Variants in ACYP2 observed in about 807,000 individuals in gnomAD.
The protein encoded by ACYP2 is acylphosphatase 2, also known as acylphosphatase-2.
In ACYP2, 12 loss-of-function variants were observed where a neutral mutation model predicts 11.2. The observed-to-expected ratio is 1.08, with a 90% confidence interval of 0.69 to 1.74. The LOEUF is 1.74. Ranked by LOEUF, ACYP2 falls within the 40% of genes most tolerant of loss-of-function variation. The probability of loss-of-function intolerance (pLI) is 0.00; values close to 1 mark genes in which losing one functional copy is unlikely to be tolerated. For synonymous variants in ACYP2, 43 were observed against 32.2 expected, an observed-to-expected ratio of 1.33 and a Z score of -1.13; for missense variants, 134 against 101.9, an observed-to-expected ratio of 1.31 and a Z score of -1.35.
At chr2:54,154,985 A>G (rs1473180714) in intron 6 of ACYP2, among the ~76,000 whole-genome samples, 1 of 152,118 alleles carries the variant, frequency 6.6e-6, no homozygotes, top group Non-Finnish European at 1.5e-5. Context: ...CAGATTTTCT[A>G]TATCTTCTTG....
At chr2:54,237,902 G>A (rs1029257091) in intron 6 of ACYP2, among the ~76,000 whole-genome samples, 1 of 151,934 alleles carries the variant, frequency 6.6e-6, no homozygotes, top group Non-Finnish European at 1.5e-5. Flanking sequence ...GCATGAATGG[G>A]CCCCGGCAAC....
At chr2:53,977,012 G>T (rs1477713005) in intron 2 of ACYP2, among the ~76,000 whole-genome samples, 1 of 151,908 alleles carries the variant, frequency 6.6e-6, no homozygotes, top group African/African-American at 2.4e-5. Flanking sequence ...ATTCCTATTA[G>T]ACATTTGTTT....
chr2:54,096,446 G>A (rs990677568), intron 4 of ACYP2, among the ~76,000 whole-genome samples: 1 of 152,234 alleles, frequency 6.6e-6, no homozygotes, highest in Admixed American at 6.5e-5. Context: ...CCTGGCAGAG[G>A]CTGTACTCTC....
intron 2 of ACYP2, among the ~76,000 whole-genome samples, chr2:54,039,308 G>T (rs190988124): frequency 4.8e-4 from 71 of 149,434 alleles, no homozygotes; most frequent in African/African-American, 1.5e-3. Flanking sequence ...TTTTTGGCGG[G>T]GGGGGACAGG....
intron 6 of ACYP2, among the ~76,000 whole-genome samples, chr2:54,238,068 C>T (rs948671866): frequency 6.6e-6 from 1 of 152,158 alleles, no homozygotes; most frequent in Non-Finnish European, 1.5e-5. Context: ...AAGACTCATT[C>T]CCTTACATGA....
intron 6 of ACYP2, among the ~76,000 whole-genome samples, chr2:54,235,824 G>A (rs1208581407): frequency 6.6e-6 from 1 of 152,166 alleles, no homozygotes. Flanking sequence ...ATGAGAGTGA[G>A]ACCCTGTCTC....
chr2:53,981,029 G>A (rs1215973155), intron 2 of ACYP2, among the ~76,000 whole-genome samples: 1 of 152,088 alleles, frequency 6.6e-6, no homozygotes, highest in Non-Finnish European at 1.5e-5. Context: ...TTGGATTACA[G>A]GTGTGAGCCA....
At chr2:54,261,942 A>C (rs1013960055) in intron 6 of ACYP2, among the ~76,000 whole-genome samples, 1 of 152,240 alleles carries the variant, frequency 6.6e-6, no homozygotes, top group Non-Finnish European at 1.5e-5. Context: ...AGTCGTCTTT[A>C]TTGTATATAA....
chr2:54,137,411 T>C (rs1167558858), intron 5 of ACYP2, among the ~76,000 whole-genome samples: 1 of 152,170 alleles, frequency 6.6e-6, no homozygotes. Context: ...AAGTTATTTT[T>C]TTCTACTCCT....
At chr2:54,304,605 A>C in intron 6 of ACYP2, 83 bp from the exon 4 acceptor site, 3 of 896,886 alleles carry the variant, frequency 3.3e-6, no homozygotes, top group Non-Finnish European at 5.2e-6. Flanking sequence ...GTAAACTCCC[A>C]TTAATACCTA....
At chr2:54,163,198 T>C (rs560288518) in intron 6 of ACYP2, among the ~76,000 whole-genome samples, 45 of 152,206 alleles carry the variant, frequency 3.0e-4, no homozygotes, top group Non-Finnish European at 5.6e-4. Flanking sequence ...AAATAGCACA[T>C]AGTAAGGCCA....
At position 54,128,282 on chromosome 2, in the gene ACYP2, T is replaced by C. The variant is rs536649266; in HGVS notation, c.278-7171T>C. On this transcript the variant is annotated intron_variant, in intron 4 of 6. Transcript: ENST00000607452. ...TGATGGACAGATCCCTGATCAAGAATAGTTCATCATTTAACGTGTTTTGTA... is the reference window on the plus strand; with the variant it reads ...TGATGGACAGATCCCTGATCAAGAACAGTTCATCATTTAACGTGTTTTGTA... Among the ~76,000 whole-genome samples, 187 of 152,348 alleles carry C rather than the reference T, an allele frequency of 1.2e-3. 1 individual carries two copies. Among genetic ancestry groups the C allele is most frequent in the African/African-American group, 4.5e-3 (187 of 41,572 alleles).
intron 2 of ACYP2, among the ~76,000 whole-genome samples, chr2:54,048,453 G>T (rs1048960411): frequency 6.6e-6 from 1 of 152,132 alleles, no homozygotes; most frequent in African/African-American, 2.4e-5. Context: ...TTAACCATGT[G>T]TTAACAGCTA....
chr2:54,058,092 G>A (rs1015385096), intron 4 of ACYP2, among the ~76,000 whole-genome samples: 1 of 152,114 alleles, frequency 6.6e-6, no homozygotes, highest in Non-Finnish European at 1.5e-5. Context: ...GGCATATGAA[G>A]CAATGATTGG....
In ACYP2 at chr2:53,972,290, A is replaced by C. The variant is rs1163937735; in HGVS notation, c.-37+969A>C. 2.2e-5 allele frequency among the ~76,000 whole-genome samples: 3 copies of C among 137,664 alleles called. No homozygotes were observed. In the East Asian group the frequency reaches 6.8e-4, roughly 31 times the overall value. The allele number at this position is 137,664 out of a possible 152,430, so 90.3% of individuals were successfully genotyped here. On this transcript the variant is annotated intron_variant, in intron 1 of 6. Coordinates refer to ENST00000607452, the MANE Select transcript of ACYP2 (RefSeq NM_001320586.2). ...GCGCCAGGGCACTCCAGCCTGGGCA[A>C]CAAGAGCGAAACTCCGTCTCAAAAA... is the stretch of plus-strand genomic sequence containing the variant.
chr2:54,070,850 C>T (rs563789287), intron 4 of ACYP2, among the ~76,000 whole-genome samples: 3 of 151,994 alleles, frequency 2.0e-5, no homozygotes, highest in African/African-American at 7.2e-5. Flanking sequence ...GATCCTCCCA[C>T]CTCAGCCTGC....
chr2:53,999,768 G>A (rs185143302), intron 2 of ACYP2, among the ~76,000 whole-genome samples: 1 of 152,148 alleles, frequency 6.6e-6, no homozygotes, highest in East Asian at 1.9e-4. Context: ...GAGACGACCT[G>A]GCACCATTAA....
At chr2:53,987,263 A>G (rs1672080741) in intron 2 of ACYP2, among the ~76,000 whole-genome samples, 1 of 151,954 alleles carries the variant, frequency 6.6e-6, no homozygotes, top group African/African-American at 2.4e-5. Context: ...TGGTTACATG[A>G]GGGTGGTTAG....
intron 6 of ACYP2, among the ~76,000 whole-genome samples, chr2:54,263,185 G>T (rs1456223136): frequency 6.6e-6 from 1 of 152,202 alleles, no homozygotes; most frequent in East Asian, 1.9e-4. Context: ...GAGACTTAAG[G>T]AAGCTTACAA....
Sources: gnomAD v4.1 joint callset for allele counts (sites outside exome capture counted in the v4.1 genomes callset) on GRCh38, gnomAD v4.1.1 for gene constraint, MANE v1.5 for transcripts, NCBI Gene and HGNC (gene_info 2026-07-23, HGNC 2026-07-21) for gene names.